The following CDS2 variants were observed in gnomAD, a reference collection of about 807,000 sequenced individuals.
The protein encoded by CDS2 is CDP-diacylglycerol synthase 2, also known as phosphatidate cytidylyltransferase 2.
A neutral mutation model predicts 59.0 loss-of-function variants in CDS2; 47 were observed. That is an observed-to-expected ratio of 0.80 (90% CI 0.63 to 1.02). CDS2 has a LOEUF of 1.02. CDS2 is among the 50% of genes least tolerant of loss of function. The pLI is 0.00. For missense variants in CDS2, 356 were observed against 558.9 expected, an observed-to-expected ratio of 0.64 and a Z score of 3.66; for synonymous variants, 207 against 206.4, an observed-to-expected ratio of 1.00 and a Z score of -0.02.
intron 1 of CDS2, among the ~76,000 whole-genome samples, chr20:5,159,277 T>TTAAC (rs1259662444): frequency 5.9e-5 from 9 of 151,368 alleles, no homozygotes; most frequent in Non-Finnish European, 2.9e-5. Context: ...GCTGCACCCA[T>TTAAC]TAACTCGTCA....
At chr20:5,144,108 G>A (rs1276236946) in intron 1 of CDS2, among the ~76,000 whole-genome samples, 2 of 152,254 alleles carry the variant, frequency 1.3e-5, no homozygotes, top group East Asian at 3.9e-4. Context: ...GAACTGGATT[G>A]CTGGATCATA....
intron 1 of CDS2, among the ~76,000 whole-genome samples, chr20:5,170,022 C>T (rs559814994): frequency 3.2e-4 from 49 of 152,254 alleles, no homozygotes; most frequent in African/African-American, 1.1e-3. Context: ...GTGCGGCAGG[C>T]ACCTGCTGCT....
chr20:5,130,950 G>A (rs1436742951), intron 1 of CDS2, among the ~76,000 whole-genome samples: 1 of 152,034 alleles, frequency 6.6e-6, no homozygotes, highest in African/African-American at 2.4e-5. Context: ...AATTAGCCGG[G>A]CGTGGTGGTG....
intron 1 of CDS2, among the ~76,000 whole-genome samples, chr20:5,130,076 A>C (rs2090592015): frequency 6.6e-6 from 1 of 152,048 alleles, no homozygotes; most frequent in African/African-American, 2.4e-5. Context: ...GTGTTCAAGC[A>C]ATTCTCCTGC....
chr20:5,133,010 C>CA (rs34764405), intron 1 of CDS2, among the ~76,000 whole-genome samples: 25,256 of 135,858 alleles, frequency 0.19, 3,399 homozygotes, highest in African/African-American at 0.39. Context: ...TTCTCTACTA[C>CA]AAAAAAAAAA....
intron 10 of CDS2, 120 bp from the exon 11 acceptor site, chr20:5,188,947 A>T: frequency 7.9e-7 from 1 of 1,270,250 alleles, no homozygotes; most frequent in South Asian, 1.3e-5. Context: ...AACACCTCCC[A>T]CTAGGCATCA....
chr20:5,163,791 CTTTTTTTTTTT>C (rs397866016), intron 1 of CDS2, among the ~76,000 whole-genome samples: 2 of 47,946 alleles, frequency 4.2e-5, no homozygotes, highest in African/African-American at 1.5e-4. Flanking sequence ...TTCTTTCTTT[CTTTTTTTTTTT>C]TTTTTTGAAG....
chr20:5,186,160 C>T lies in CDS2; in HGVS notation c.828+334C>T, dbSNP rs552690008. Among the ~76,000 whole-genome samples the T allele has an allele frequency of 6.6e-5, 10 of 152,310 alleles. No individual in the cohort carries two copies. The South Asian group carries it at 2.1e-3, about 32-fold the overall frequency. ...CAGCTTTTCTCCTATGTGTGCCTTGCCCAGAGGTGGGTGATTTTCCTGCCC... is the reference window on the plus strand; with the variant it reads ...CAGCTTTTCTCCTATGTGTGCCTTGTCCAGAGGTGGGTGATTTTCCTGCCC... On this transcript the variant is annotated intron_variant, in intron 9 of 12. Coordinates refer to ENST00000460006, the MANE Select transcript of CDS2 (RefSeq NM_003818.4).
intron 1 of CDS2, among the ~76,000 whole-genome samples, chr20:5,155,139 C>T (rs1030312322): frequency 1.3e-5 from 2 of 152,354 alleles, no homozygotes; most frequent in South Asian, 4.1e-4. Flanking sequence ...TTATTACCAC[C>T]CTCCATTTTA....
chr20:5,128,036 C>G (rs950287300), intron 1 of CDS2: 1 of 152,230 alleles, frequency 6.6e-6, no homozygotes, highest in Non-Finnish European at 1.5e-5. Flanking sequence ...ACTGAGGGAG[C>G]CTGGTTCACT....
chr20:5,173,348 T>C lies in CDS2; in HGVS notation c.58-175T>C, dbSNP rs189534477. Among the ~76,000 whole-genome samples, 3 of 152,362 alleles carry C rather than the reference T, an allele frequency of 2.0e-5. No individual in the cohort carries two copies. In the East Asian group the frequency reaches 5.8e-4, roughly 29 times the overall value. On this transcript the variant is annotated intron_variant, in intron 1 of 12. Coordinates refer to ENST00000460006, the MANE Select transcript of CDS2 (RefSeq NM_003818.4). ...GAGTGTGGCTGGCCACCTTGGCACATGTCACAACAGTGTCAGGATTGCTGC... is the reference window on the plus strand; with the variant it reads ...GAGTGTGGCTGGCCACCTTGGCACACGTCACAACAGTGTCAGGATTGCTGC...
chr20:5,131,987 A>G (rs1365679650), intron 1 of CDS2, among the ~76,000 whole-genome samples: 1 of 152,250 alleles, frequency 6.6e-6, no homozygotes, highest in African/African-American at 2.4e-5. Flanking sequence ...AAGGTGATTA[A>G]ATCTTCAAGT....
chr20:5,190,316 C>CT lies in CDS2; in HGVS notation c.*82_*83insT. Reference sequence around the variant, plus strand: ...GCAAGCCCAGCTGGTGTGACTTAGACAATGACGAGGCTTCAACTCACTGTC... The same window carrying CT: ...GCAAGCCCAGCTGGTGTGACTTAGACTAATGACGAGGCTTCAACTCACTGTC... On this transcript the variant is annotated 3_prime_UTR_variant, in exon 13 of 13. Transcript: ENST00000460006. The CT allele has an allele frequency of 8.8e-7, 1 of 1,142,072 alleles. No homozygotes were observed. 70.7% of individuals were successfully genotyped at this position (1,142,072 alleles called of 1,614,324 possible).
At chr20:5,188,948 C>T (rs1305997271) in intron 10 of CDS2, 119 bp from the exon 11 acceptor site, 2 of 1,280,994 alleles carry the variant, frequency 1.6e-6, no homozygotes, top group Non-Finnish European at 2.2e-6. Flanking sequence ...ACACCTCCCA[C>T]TAGGCATCAC....
intron 1 of CDS2, among the ~76,000 whole-genome samples, chr20:5,164,119 A>G (rs2090896419): frequency 6.6e-6 from 1 of 152,036 alleles, no homozygotes; most frequent in Non-Finnish European, 1.5e-5. Flanking sequence ...AATATGACAC[A>G]TTTGGGATTG....
At chr20:5,149,886 T>G (rs189696300) in intron 1 of CDS2, among the ~76,000 whole-genome samples, 55 of 152,164 alleles carry the variant, frequency 3.6e-4, no homozygotes, top group African/African-American at 1.3e-3. Flanking sequence ...TGGCTAATTT[T>G]TATATTTGTA....
intron 4 of CDS2, among the ~76,000 whole-genome samples, chr20:5,177,423 C>T (rs1017130259): frequency 2.0e-5 from 3 of 152,072 alleles, no homozygotes; most frequent in Non-Finnish European, 2.9e-5. Flanking sequence ...GGGATCTGGG[C>T]TCCGCTGGGA....
At chr20:5,167,279 G>C (rs139180212) in intron 1 of CDS2, among the ~76,000 whole-genome samples, 1 of 152,144 alleles carries the variant, frequency 6.6e-6, no homozygotes, top group Non-Finnish European at 1.5e-5. Flanking sequence ...TAGAGATGCC[G>C]GAAGTGAAGC....
rs191678109 is a variant in CDS2 at position 5,172,221 on chromosome 20, A to G, written c.58-1302A>G. 3.6e-3 allele frequency among the ~76,000 whole-genome samples: 544 copies of G among 152,320 alleles called. 5 individuals carry two copies. The highest frequency in any genetic ancestry group is 0.013 in the African/African-American group (522 of 41,554). Reference sequence around the variant, plus strand: ...TCTTTAAGGAGTTTGTCGTCAGCCAAGGAGACATTTACAAAAGTCCCCGTT... The same window carrying G: ...TCTTTAAGGAGTTTGTCGTCAGCCAGGGAGACATTTACAAAAGTCCCCGTT... On this transcript the variant is annotated intron_variant, in intron 1 of 12. Coordinates refer to ENST00000460006, the MANE Select transcript of CDS2 (RefSeq NM_003818.4).
Sources: gnomAD v4.1 joint callset for allele counts (sites outside exome capture counted in the v4.1 genomes callset) on GRCh38, gnomAD v4.1.1 for gene constraint, MANE v1.5 for transcripts, NCBI Gene and HGNC (gene_info 2026-07-23, HGNC 2026-07-21) for gene names.